Variants in MED13L observed in about 807,000 individuals in gnomAD.
The protein encoded by MED13L is mediator of RNA polymerase II transcription subunit 13-like.
A neutral mutation model predicts 220.9 loss-of-function variants in MED13L; 7 were observed. The observed-to-expected ratio is 0.03, with a 90% confidence interval of 0.02 to 0.06. The LOEUF (loss-of-function observed/expected upper bound fraction) is 0.06. Among genes scored for constraint, MED13L ranks in the 10% least tolerant of loss-of-function variants. The pLI is 1.00. For synonymous variants in MED13L, 1,011 were observed against 1,015.2 expected (o/e 1.00, Z 0.08); for missense variants, 1,965 against 2,760.5 (o/e 0.71, Z 6.46).
intron 2 of MED13L, among the ~76,000 whole-genome samples, chr12:116,217,419 T>C (rs1883069302): frequency 6.6e-6 from 1 of 152,226 alleles, no homozygotes; most frequent in African/African-American, 2.4e-5. Flanking sequence ...TCTTGAGCCA[T>C]AACTACATCC....
intron 4 of MED13L, among the ~76,000 whole-genome samples, chr12:116,032,971 G>A (rs1880947177): frequency 2.0e-5 from 3 of 151,974 alleles, no homozygotes; most frequent in Admixed American, 1.3e-4. Context: ...TATAGGAAAG[G>A]GTGGCGGGGA....
At chr12:116,194,107 G>A (rs1006776945) in intron 2 of MED13L, among the ~76,000 whole-genome samples, 16 of 152,002 alleles carry the variant, frequency 1.1e-4, no homozygotes, top group African/African-American at 3.4e-4. Context: ...AGAAGATGAC[G>A]GAAGGGTATT....
At chr12:116,066,524 G>T (rs573111069) in intron 4 of MED13L, among the ~76,000 whole-genome samples, 2 of 152,118 alleles carry the variant, frequency 1.3e-5, no homozygotes, top group South Asian at 2.1e-4. Context: ...GCTACTTTAA[G>T]GTATTGTGTG....
intron 4 of MED13L, among the ~76,000 whole-genome samples, chr12:116,049,000 T>A (rs933044976): frequency 6.6e-6 from 1 of 152,046 alleles, no homozygotes; most frequent in Admixed American, 6.6e-5. Flanking sequence ...TTTAGCAGAG[T>A]GAAAATGACC....
chr12:116,024,787 A>T (rs868167190), intron 4 of MED13L, among the ~76,000 whole-genome samples: 6 of 16,720 alleles, frequency 3.6e-4, no homozygotes, highest in Non-Finnish European at 4.3e-4. Context: ...GGGGGGGGGG[A>T]GGTGATCTTG....
At chr12:116,151,702 T>C (rs570842856) in intron 2 of MED13L, among the ~76,000 whole-genome samples, 3 of 152,342 alleles carry the variant, frequency 2.0e-5, no homozygotes, top group African/African-American at 7.2e-5. Flanking sequence ...CTATAGCGGC[T>C]ATGGGAACCA....
intron 4 of MED13L, among the ~76,000 whole-genome samples, chr12:116,040,526 T>G (rs1161228058): frequency 6.6e-6 from 1 of 152,186 alleles, no homozygotes; most frequent in East Asian, 1.9e-4. Context: ...AAAGTGGAAT[T>G]CAGTAGTCAT....
chr12:116,044,148 A>G (rs1477928350), intron 4 of MED13L, among the ~76,000 whole-genome samples: 2 of 152,220 alleles, frequency 1.3e-5, no homozygotes, highest in Non-Finnish European at 2.9e-5. Context: ...TAATCACAAG[A>G]ATAAATCAAC....
At chr12:116,183,803 GGTGTGTGTGTGTGTGTATGTGTGT>G (rs1880692775) in intron 2 of MED13L, among the ~76,000 whole-genome samples, 1 of 110,092 alleles carries the variant, frequency 9.1e-6, no homozygotes, top group African/African-American at 3.7e-5. Context: ...TAGAAAAAAT[GGTGTGTGTGTGTGTGTATGTGTGT>G]GTGTGTGTGT....
At chr12:116,218,493 C>T (rs1883131930) in intron 2 of MED13L, among the ~76,000 whole-genome samples, 1 of 152,156 alleles carries the variant, frequency 6.6e-6, no homozygotes. Context: ...CTGAGACTCA[C>T]AGTTCAGTAC....
At chr12:116,018,059 T>C (rs1445683405) in intron 7 of MED13L, among the ~76,000 whole-genome samples, 2 of 152,012 alleles carry the variant, frequency 1.3e-5, no homozygotes, top group African/African-American at 2.4e-5. Flanking sequence ...AAACTTCGAG[T>C]TTTGAATATT....
At chr12:116,122,554 C>T (rs1284231904) in intron 2 of MED13L, among the ~76,000 whole-genome samples, 4 of 152,056 alleles carry the variant, frequency 2.6e-5, no homozygotes, top group Non-Finnish European at 4.4e-5. Flanking sequence ...GTAACCTTCC[C>T]GATGTCAATT....
chr12:116,005,400 T>G (rs1878988601), intron 13 of MED13L, among the ~76,000 whole-genome samples: 2 of 152,232 alleles, frequency 1.3e-5, no homozygotes, highest in African/African-American at 4.8e-5. Context: ...TAAATTCTAT[T>G]CCCCTACAAT....
rs1245093318 is a variant in MED13L at position 115,970,718 on chromosome 12, C to G, written c.5943G>C (p.Gln1981His). 6.2e-7 allele frequency: 1 copy of G among 1,614,070 alleles called. No homozygotes were observed. Among genetic ancestry groups the G allele is most frequent in the Non-Finnish European group, 8.5e-7 (1 of 1,179,964 alleles). ...CTTGAGGGGTGTTGAGCTGAGATGACTGCATGTTCAGTGCAGTACTTCGGC... is the reference window on the plus strand; with the variant it reads ...CTTGAGGGGTGTTGAGCTGAGATGAGTGCATGTTCAGTGCAGTACTTCGGC... ...VFGRSTALNM[Q>H]SSQLNTPQDA... Residue 1981 changes from glutamine (Q) to histidine (H), a missense_variant, in exon 27 of 31, where the codon CAG becomes CAC. Gln to His is a conservative substitution (Grantham distance 24). Around this residue, in one of 10 missense-constraint regions of MED13L, gnomAD observed 145 missense variants for 328.3 expected, o/e 0.44. Transcript: ENST00000281928.
intron 23 of MED13L, 153 bp downstream of exon 23, chr12:115,980,597 T>G: frequency 1.2e-6 from 1 of 823,452 alleles, no homozygotes; most frequent in Non-Finnish European, 2.0e-6. Flanking sequence ...GTGCTAAGAC[T>G]ACAGGTGTGA....
rs779890984 is a variant in MED13L at position 115,983,130 on chromosome 12, C to A, written c.4942G>T (p.Asp1648Tyr). Residue 1648 changes from aspartate (D) to tyrosine (Y), a missense_variant, in exon 21 of 31, where the codon GAT becomes TAT. Asp to Tyr is a radical substitution (Grantham distance 160). Transcript: ENST00000281928. ...TGAATAACATACCTCTCTTGTCCAT[C>A]CTGTGAGGGCTGAGAAGAGCTCTGC... ...PGQSSSQPSQ[D>Y]GQESVTERER... 1 of 1,613,988 alleles carries A rather than the reference C, an allele frequency of 6.2e-7. No individual in the cohort carries two copies. The highest frequency in any genetic ancestry group is 1.1e-5 in the South Asian group (1 of 91,064).
At chr12:115,976,587 T>G (rs1426124177) in intron 23 of MED13L, among the ~76,000 whole-genome samples, 3 of 152,224 alleles carry the variant, frequency 2.0e-5, no homozygotes, top group African/African-American at 7.2e-5. Flanking sequence ...GAAAATTCAT[T>G]CAGCAGTACA....
At position 116,271,040 on chromosome 12, in the gene MED13L, CAAAAAA is replaced by C. The variant is rs58162276; in HGVS notation, c.72+6014_72+6019del. On this transcript the variant is annotated intron_variant, in intron 1 of 30. Transcript: ENST00000281928. ...CTGGTGACAGAGCGAGACTCCGTCT[CAAAAAA>C]AAAAAAAAAAAAAAAAAAAAAGAAA... Among the ~76,000 whole-genome samples the C allele has an allele frequency of 3.7e-4, 11 of 30,096 alleles. No homozygotes were observed. In the East Asian group the frequency reaches 6.4e-3, roughly 17 times the overall value. The allele number at this position is 30,096 out of a possible 152,430, so 19.7% of individuals were successfully genotyped here.
chr12:115,977,726 G>T (rs1166932355), intron 23 of MED13L, among the ~76,000 whole-genome samples: 1 of 152,148 alleles, frequency 6.6e-6, no homozygotes, highest in East Asian at 1.9e-4. Flanking sequence ...GCCAGGCGAG[G>T]TGGTTCACGC....
Sources: gnomAD v4.1 joint callset for allele counts (sites outside exome capture counted in the v4.1 genomes callset) on GRCh38, gnomAD v4.1.1 for gene constraint, gnomAD v4.1.1 regional missense constraint, MANE v1.5 for transcripts, NCBI Gene and HGNC (gene_info 2026-07-23, HGNC 2026-07-21) for gene names.